The following GRIP1 variants were observed in gnomAD, a reference collection of about 807,000 sequenced individuals.
The protein encoded by GRIP1 is glutamate receptor interacting protein 1.
GRIP1 carries 45 observed loss-of-function variants against 129.9 expected under a neutral mutation model. The observed-to-expected ratio is 0.35, with a 90% CI of 0.27 to 0.44. The LOEUF is 0.44. Among genes scored for constraint, GRIP1 ranks in the 20% least tolerant of loss-of-function variants. GRIP1 has a pLI of 1.00. For synonymous variants in GRIP1, 530 were observed against 520.8 expected (o/e 1.02, Z -0.24); for missense variants, 1,196 against 1,396.8 (o/e 0.86, Z 2.29).
intron 1 of GRIP1, among the ~76,000 whole-genome samples, chr12:66,890,908 C>T (rs1453434862): frequency 6.6e-6 from 1 of 152,150 alleles, no homozygotes; most frequent in Non-Finnish European, 1.5e-5. Context: ...CCAGTGGATG[C>T]TCAATGACTT....
At chr12:66,839,518 T>C (rs976949177) in intron 1 of GRIP1, among the ~76,000 whole-genome samples, 27 of 152,202 alleles carry the variant, frequency 1.8e-4, no homozygotes, top group African/African-American at 6.5e-4. Context: ...CTAATATATA[T>C]GATATGAAGA....
At chr12:66,503,220 C>T (rs1229246319) in intron 7 of GRIP1, among the ~76,000 whole-genome samples, 1 of 152,048 alleles carries the variant, frequency 6.6e-6, no homozygotes, top group Non-Finnish European at 1.5e-5. Context: ...AGAAATTGGG[C>T]GAGTGAACCG....
chr12:66,529,920 T>A lies in GRIP1; in HGVS notation c.419-6A>T. 2 of 1,531,444 alleles carry A rather than the reference T, an allele frequency of 1.3e-6. No homozygotes were observed. Among genetic ancestry groups the A allele is most frequent in the South Asian group, 1.1e-5 (1 of 89,502 alleles). 94.9% of individuals were successfully genotyped at this position (1,531,444 alleles called of 1,614,324 possible). A position where few individuals can be genotyped will look rare whatever the true frequency, so the allele number is the denominator to read the frequency against. ...AACACTTGATCCTTGCACAGCTGAA[T>A]AAAGGAAAGAGAGAAGGAAATATAA... On this transcript the variant is annotated splice_region_variant and splice_polypyrimidine_tract_variant and intron_variant, in intron 4 of 24. Coordinates refer to ENST00000359742, the MANE Select transcript of GRIP1 (RefSeq NM_001366722.1).
chr12:66,746,312 T>G (rs1284638367), intron 1 of GRIP1, among the ~76,000 whole-genome samples: 3 of 152,136 alleles, frequency 2.0e-5, no homozygotes, highest in African/African-American at 7.2e-5. Context: ...ATGGATACAT[T>G]GCATATTTCA....
intron 1 of GRIP1, among the ~76,000 whole-genome samples, chr12:66,799,183 G>GA (rs140086874): frequency 0.035 from 5,312 of 151,962 alleles, 232 homozygotes; most frequent in African/African-American, 0.1. Context: ...ATTCCATATA[G>GA]AAAAAAATAT....
chr12:66,649,536 C>T (rs2136133365), intron 1 of GRIP1, among the ~76,000 whole-genome samples: 1 of 152,304 alleles, frequency 6.6e-6, no homozygotes, highest in South Asian at 2.1e-4. Context: ...ATGGGCTAGG[C>T]ATTATTTCCC....
At chr12:67,059,944 G>A (rs1007305564) in intron 1 of GRIP1, among the ~76,000 whole-genome samples, 1 of 152,150 alleles carries the variant, frequency 6.6e-6, no homozygotes, top group African/African-American at 2.4e-5. Context: ...TGTGACTAGC[G>A]AGTTTATCTC....
At chr12:66,352,436 GAGAGT>G (rs1177149791) in intron 24 of GRIP1, among the ~76,000 whole-genome samples, 1 of 152,148 alleles carries the variant, frequency 6.6e-6, no homozygotes, top group Non-Finnish European at 1.5e-5. Flanking sequence ...GCTGAAGCTA[GAGAGT>G]ATACGAAGAG....
chr12:66,708,319 TAAAG>T (rs1027905341), intron 1 of GRIP1, among the ~76,000 whole-genome samples: 1 of 151,766 alleles, frequency 6.6e-6, no homozygotes, highest in African/African-American at 2.4e-5. Flanking sequence ...AATAAAAACT[TAAAG>T]AAAAAAAAAT....
intron 1 of GRIP1, among the ~76,000 whole-genome samples, chr12:66,704,728 T>A (rs761066735): frequency 6.6e-6 from 1 of 152,124 alleles, no homozygotes; most frequent in Admixed American, 6.6e-5. Context: ...TACATTGGAA[T>A]GATTTATCCT....
At chr12:66,907,865 G>A (rs1055401727) in intron 1 of GRIP1, among the ~76,000 whole-genome samples, 1 of 152,080 alleles carries the variant, frequency 6.6e-6, no homozygotes, top group Admixed American at 6.5e-5. Flanking sequence ...TTTGAGGGGA[G>A]GGTGGCTGGA....
chr12:66,892,732 CAGG>C (rs1483771032), intron 1 of GRIP1, among the ~76,000 whole-genome samples: 1 of 152,114 alleles, frequency 6.6e-6, no homozygotes, highest in Non-Finnish European at 1.5e-5. Context: ...GAGGCCAAGG[CAGG>C]AGGACTGCTT....
chr12:66,997,111 T>TA (rs1402957755), intron 1 of GRIP1, among the ~76,000 whole-genome samples: 2 of 152,110 alleles, frequency 1.3e-5, no homozygotes, highest in African/African-American at 2.4e-5. Flanking sequence ...TGAACAGTTT[T>TA]AAAAAACGAA....
intron 2 of GRIP1, among the ~76,000 whole-genome samples, chr12:66,553,102 C>T (rs1046507566): frequency 6.6e-6 from 1 of 152,208 alleles, no homozygotes; most frequent in African/African-American, 2.4e-5. Context: ...ATTTCTTCTG[C>T]TCTACATGGG....
intron 2 of GRIP1, among the ~76,000 whole-genome samples, chr12:66,566,508 T>C (rs1457609285): frequency 1.3e-5 from 2 of 152,244 alleles, no homozygotes; most frequent in East Asian, 3.8e-4. Context: ...GATGTGCTGC[T>C]TGATTCAGTT....
intron 1 of GRIP1, among the ~76,000 whole-genome samples, chr12:66,632,385 T>G (rs922840212): frequency 1.3e-5 from 2 of 152,188 alleles, no homozygotes; most frequent in African/African-American, 4.8e-5. Context: ...CCCCTCTCTA[T>G]CTTTACATCA....
At chr12:66,579,626 C>A (rs547064182) in intron 2 of GRIP1, among the ~76,000 whole-genome samples, 2 of 152,212 alleles carry the variant, frequency 1.3e-5, no homozygotes, top group Admixed American at 1.3e-4. Flanking sequence ...GCCTCAGGAG[C>A]CGATGCGATC....
chr12:66,856,351 C>T (rs1416262329), intron 1 of GRIP1, among the ~76,000 whole-genome samples: 1 of 152,162 alleles, frequency 6.6e-6, no homozygotes, highest in Non-Finnish European at 1.5e-5. Context: ...GCAATGGCAA[C>T]AGAAGCCAAA....
At chr12:66,552,317 G>A (rs772307930) in intron 2 of GRIP1, among the ~76,000 whole-genome samples, 3 of 152,076 alleles carry the variant, frequency 2.0e-5, no homozygotes, top group African/African-American at 4.8e-5. Context: ...AAGTACCCAC[G>A]AATCTAACAT....
Sources: gnomAD v4.1 joint callset for allele counts (sites outside exome capture counted in the v4.1 genomes callset) on GRCh38, gnomAD v4.1.1 for gene constraint, MANE v1.5 for transcripts, NCBI Gene and HGNC (gene_info 2026-07-23, HGNC 2026-07-21) for gene names.